Variants in CTNNA3 observed in about 807,000 individuals in gnomAD.
CTNNA3 encodes catenin alpha-3.
CTNNA3 carries 76 observed loss-of-function variants against 95.7 expected under a neutral mutation model. That is an observed-to-expected ratio of 0.79 (90% CI 0.66 to 0.96). The LOEUF (loss-of-function observed/expected upper bound fraction) is 0.96. CTNNA3 is among the 40% of genes least tolerant of loss of function. The pLI is 0.00. For synonymous variants in CTNNA3, 431 were observed against 374.4 expected (o/e 1.15, Z -1.74); for missense variants, 1,191 against 1,089.8 (o/e 1.09, Z -1.31).
chr10:67,523,008 A>T (rs1840031098), intron 4 of CTNNA3, among the ~76,000 whole-genome samples: 1 of 152,162 alleles, frequency 6.6e-6, no homozygotes, highest in African/African-American at 2.4e-5. Flanking sequence ...GATTTTATAG[A>T]ATATAATTAA....
At chr10:67,125,134 A>G (rs73258486) in intron 7 of CTNNA3, among the ~76,000 whole-genome samples, 34,469 of 152,104 alleles carry the variant, frequency 0.23, 4,948 homozygotes, top group African/African-American at 0.41. Context: ...AGAAATAAAT[A>G]TTACTAATTT....
chr10:66,056,399 T>C (rs772380194), intron 15 of CTNNA3, among the ~76,000 whole-genome samples: 1 of 152,178 alleles, frequency 6.6e-6, no homozygotes, highest in East Asian at 1.9e-4. Flanking sequence ...TGATGATGAA[T>C]GTACTTTTTA....
chr10:66,164,795 T>C (rs773632679), intron 13 of CTNNA3, among the ~76,000 whole-genome samples: 8 of 152,296 alleles, frequency 5.3e-5, no homozygotes, highest in African/African-American at 9.6e-5. Flanking sequence ...AAATTTGTGA[T>C]ACTAAAACAT....
chr10:67,360,674 G>T (rs1419555875), intron 5 of CTNNA3, among the ~76,000 whole-genome samples: 1 of 152,088 alleles, frequency 6.6e-6, no homozygotes, highest in Non-Finnish European at 1.5e-5. Flanking sequence ...AATCATGGTG[G>T]AAGGCAAAGA....
At chr10:66,442,214 G>A (rs2093379936) in intron 11 of CTNNA3, among the ~76,000 whole-genome samples, 2 of 152,058 alleles carry the variant, frequency 1.3e-5, no homozygotes, top group African/African-American at 4.8e-5. Context: ...AGTATACAGG[G>A]AGATATGCAT....
intron 9 of CTNNA3, among the ~76,000 whole-genome samples, chr10:66,640,440 T>C (rs1480545392): frequency 1.3e-5 from 2 of 152,156 alleles, no homozygotes; most frequent in East Asian, 3.9e-4. Flanking sequence ...AAAGGTCACC[T>C]GAGCTCCAGA....
At chr10:66,778,455 C>T (rs1322062612) in intron 7 of CTNNA3, among the ~76,000 whole-genome samples, 6 of 152,078 alleles carry the variant, frequency 3.9e-5, no homozygotes, top group African/African-American at 1.4e-4. Context: ...CTGCAGATAA[C>T]AGTCAGAACC....
chr10:66,790,466 GT>G (rs1488063362), intron 7 of CTNNA3, among the ~76,000 whole-genome samples: 1 of 151,952 alleles, frequency 6.6e-6, no homozygotes, highest in Non-Finnish European at 1.5e-5. Flanking sequence ...CAAAAAAACC[GT>G]TTCTCAATTA....
chr10:67,490,203 T>G (rs1036734896), intron 5 of CTNNA3, among the ~76,000 whole-genome samples: 2 of 152,220 alleles, frequency 1.3e-5, no homozygotes, highest in African/African-American at 4.8e-5. Context: ...AGACAATTTA[T>G]GTAGCCAAAC....
At chr10:66,339,570 C>T (rs2092431800) in intron 12 of CTNNA3, among the ~76,000 whole-genome samples, 1 of 151,642 alleles carries the variant, frequency 6.6e-6, no homozygotes, top group Non-Finnish European at 1.5e-5. Flanking sequence ...AAAGCTCAGC[C>T]AGGGTTAATT....
intron 10 of CTNNA3, among the ~76,000 whole-genome samples, chr10:66,543,966 C>T (rs1018706818): frequency 9.8e-5 from 11 of 112,740 alleles, no homozygotes; most frequent in Admixed American, 1.9e-4. Context: ...TGTTCTTCAG[C>T]ATTTTTCTTT....
intron 7 of CTNNA3, among the ~76,000 whole-genome samples, chr10:66,851,680 A>G (rs1843503050): frequency 1.4e-5 from 2 of 145,414 alleles, no homozygotes; most frequent in South Asian, 4.4e-4. Flanking sequence ...ACGCCATGTG[A>G]TATGCCAGCT....
chr10:66,392,011 T>C (rs1380879681), intron 11 of CTNNA3, among the ~76,000 whole-genome samples: 1 of 152,020 alleles, frequency 6.6e-6, no homozygotes, highest in African/African-American at 2.4e-5. Flanking sequence ...CTCTAGGTGA[T>C]CTTGGGTTTG....
intron 11 of CTNNA3, among the ~76,000 whole-genome samples, chr10:66,386,480 T>A (rs2092893438): frequency 6.6e-6 from 1 of 152,150 alleles, no homozygotes; most frequent in African/African-American, 2.4e-5. Flanking sequence ...TCCATGCTCA[T>A]GGATAGGAAG....
At chr10:66,238,612 G>A (rs4745895) in intron 13 of CTNNA3, among the ~76,000 whole-genome samples, 89,928 of 151,502 alleles carry the variant, frequency 0.59, 26,918 homozygotes, top group South Asian at 0.65. Flanking sequence ...AGACTTAAAT[G>A]GGAGTAAAAA....
At chr10:67,356,465 C>T (rs1447850861) in intron 5 of CTNNA3, among the ~76,000 whole-genome samples, 1 of 152,058 alleles carries the variant, frequency 6.6e-6, no homozygotes, top group Non-Finnish European at 1.5e-5. Context: ...TTATCATTTG[C>T]ATCTGTCATT....
chr10:67,559,972 A>G (rs1841434124), intron 3 of CTNNA3, among the ~76,000 whole-genome samples: 1 of 152,206 alleles, frequency 6.6e-6, no homozygotes. Context: ...AGCCTCCAAG[A>G]AATAGGGGAC....
At chr10:67,076,826 C>A (rs913423684) in intron 7 of CTNNA3, among the ~76,000 whole-genome samples, 24 of 152,146 alleles carry the variant, frequency 1.6e-4, no homozygotes, top group African/African-American at 5.8e-4. Flanking sequence ...GAAATAAAAT[C>A]AATTGACATA....
intron 11 of CTNNA3, among the ~76,000 whole-genome samples, chr10:66,386,150 A>T (rs1302576684): frequency 6.6e-6 from 1 of 152,238 alleles, no homozygotes; most frequent in African/African-American, 2.4e-5. Flanking sequence ...TGAGGAACTC[A>T]AATTGTCTGT....
Sources: gnomAD v4.1 joint callset for allele counts (sites outside exome capture counted in the v4.1 genomes callset) on GRCh38, gnomAD v4.1.1 for gene constraint, MANE v1.5 for transcripts, NCBI Gene and HGNC (gene_info 2026-07-23, HGNC 2026-07-21) for gene names.